ZNF862: variants seen among roughly 807,000 people sequenced by gnomAD.
ZNF862 encodes the protein zinc finger protein 862.
A neutral mutation model predicts 91.1 loss-of-function variants in ZNF862; 64 were observed. The ratio of observed to expected loss-of-function variants is 0.70; its 90% CI spans 0.57 to 0.87. ZNF862 has a LOEUF of 0.87. Ranked by LOEUF, ZNF862 falls within the 40% of genes least tolerant of loss-of-function variation. The pLI is 0.00. For missense variants in ZNF862, 1,459 were observed against 1,528.0 expected (o/e 0.95, Z 0.75); for synonymous variants, 631 against 618.1 (o/e 1.02, Z -0.31).
chr7:149,845,670 T>C (rs1377096952), intron 2 of ZNF862, among the ~76,000 whole-genome samples: 3 of 152,194 alleles, frequency 2.0e-5, no homozygotes, highest in Non-Finnish European at 4.4e-5. Context: ...AATATTTAGT[T>C]ATTAGGAGTT....
chr7:149,856,385 A>G (rs1802266867), intron 5 of ZNF862: 1 of 152,178 alleles, frequency 6.6e-6, no homozygotes. Flanking sequence ...TGTTGGTTAC[A>G]TTGGTATAAA....
chr7:149,841,599 T>C, intron 1 of ZNF862: 6 of 985,458 alleles, frequency 6.1e-6, no homozygotes, highest in Non-Finnish European at 7.2e-6. Flanking sequence ...GGAGCCCTTT[T>C]GCTGCAAGGT....
Position 149,843,977 on chromosome 7 carries a change from C to G in ZNF862, c.25-648C>G, listed in dbSNP as rs571326393. Among the ~76,000 whole-genome samples the G allele has an allele frequency of 2.0e-5, 3 of 152,252 alleles. No individual in the cohort carries two copies. The South Asian group carries it at 6.2e-4, about 32-fold the overall frequency. On this transcript the variant is annotated intron_variant, in intron 1 of 7. Transcript: ENST00000223210. ...GTTTTCAAGAGTGTATTGCTGTCATCTCCTTGTTGCGCCCCCTATTATAGT... is the reference window on the plus strand; with the variant it reads ...GTTTTCAAGAGTGTATTGCTGTCATGTCCTTGTTGCGCCCCCTATTATAGT...
intron 5 of ZNF862, chr7:149,852,206 T>A (rs1239186207): frequency 1.3e-5 from 2 of 151,738 alleles, no homozygotes; most frequent in African/African-American, 2.4e-5. Flanking sequence ...TTATTATTTT[T>A]ACTTTGGCTT....
chr7:149,853,947 A>AG (rs1320882200), intron 5 of ZNF862, among the ~76,000 whole-genome samples: 1 of 151,800 alleles, frequency 6.6e-6, no homozygotes, highest in Non-Finnish European at 1.5e-5. Flanking sequence ...CAAAAAAAAA[A>AG]AAAAAAGAAA....
chr7:149,860,741 C>CT lies in ZNF862; in HGVS notation c.1582dup (p.Cys528LeufsTer6). 6.2e-7 allele frequency: 1 copy of CT among 1,613,958 alleles called. No individual in the cohort carries two copies. Among genetic ancestry groups the CT allele is most frequent in the East Asian group, 2.2e-5 (1 of 44,872 alleles). On this transcript the variant is annotated frameshift_variant, in exon 7 of 8. Coordinates refer to ENST00000223210, the MANE Select transcript of ZNF862 (RefSeq NM_001099220.3). LOFTEE classifies it high-confidence loss of function. ...ATGAAGTCAGCAAAGCGCACAGGCT[C>CT]TGTGTCAACACGGTTGAAATCAAGG...
intron 1 of ZNF862, 54 bp downstream of exon 1, chr7:149,838,689 G>GGGCTCGGGCGAGGCGGGGC: frequency 8.7e-7 from 1 of 1,151,500 alleles, no homozygotes; most frequent in Non-Finnish European, 1.1e-6. Flanking sequence ...TCCCCGAGCC[G>GGGCTCGGGCGAGGCGGGGC]GGCTCGGGCG....
Position 149,838,556 on chromosome 7 carries a change from A to C in ZNF862, c.-56A>C. 8.5e-7 allele frequency: 1 copy of C among 1,169,714 alleles called. No individual in the cohort carries two copies. The highest frequency in any genetic ancestry group is 1.1e-6 in the Non-Finnish European group (1 of 930,956). The allele number at this position is 1,169,714 out of a possible 1,614,324, so 72.5% of individuals were successfully genotyped here. On this transcript the variant is annotated 5_prime_UTR_variant, in exon 1 of 8. Transcript: ENST00000223210. ...TCCCCGGGGCGGTCGCGGCGGCTGCATCCTCAGGCCAGGCCGCGGGGGGAG... is the reference window on the plus strand; with the variant it reads ...TCCCCGGGGCGGTCGCGGCGGCTGCCTCCTCAGGCCAGGCCGCGGGGGGAG...
At chr7:149,840,187 TAAAAAAAAAAAAAAAAA>T (rs60721842) in intron 1 of ZNF862, among the ~76,000 whole-genome samples, 1 of 41,246 alleles carries the variant, frequency 2.4e-5, no homozygotes, top group Non-Finnish European at 4.5e-5. Flanking sequence ...GCTTAAAAAG[TAAAAAAAAAAAAAAAAA>T]AAAAAAAAAA....
At position 149,864,444 on chromosome 7, in the gene ZNF862, G is replaced by A. The variant is rs986092797; in HGVS notation, c.*160G>A. On this transcript the variant is annotated 3_prime_UTR_variant, in exon 8 of 8. Transcript: ENST00000223210. Reference sequence around the variant, plus strand: ...CCCAGAGCAGCAGGGGTATCAGGAGGTGCATGACCTGTTTCCTGAGGCCCC... The same window carrying A: ...CCCAGAGCAGCAGGGGTATCAGGAGATGCATGACCTGTTTCCTGAGGCCCC... 9 of 692,738 alleles carry A rather than the reference G, an allele frequency of 1.3e-5. No homozygotes were observed. Among genetic ancestry groups the A allele is most frequent in the Non-Finnish European group, 1.9e-5 (8 of 424,348 alleles). The allele number at this position is 692,738 out of a possible 1,614,324, so 42.9% of individuals were successfully genotyped here.
At chr7:149,843,975 A>G (rs1244842752) in intron 1 of ZNF862, among the ~76,000 whole-genome samples, 3 of 152,234 alleles carry the variant, frequency 2.0e-5, no homozygotes, top group South Asian at 2.1e-4. Context: ...TATTGCTGTC[A>G]TCTCCTTGTT....
intron 3 of ZNF862, among the ~76,000 whole-genome samples, chr7:149,846,834 A>G (rs1460788979): frequency 6.6e-6 from 1 of 152,240 alleles, no homozygotes; most frequent in Non-Finnish European, 1.5e-5. Flanking sequence ...TTTCTCTCAG[A>G]CCACAAAGAG....
At chr7:149,863,911 GC>G (rs1802613211) in intron 7 of ZNF862, among the ~76,000 whole-genome samples, 197 bp from the exon 8 acceptor site, 1 of 152,166 alleles carries the variant, frequency 6.6e-6, no homozygotes, top group Non-Finnish European at 1.5e-5. Flanking sequence ...GGACAAAATC[GC>G]CCCCAGTTGA....
chr7:149,849,988 T>C (rs1374821810), intron 4 of ZNF862, among the ~76,000 whole-genome samples, 173 bp from the exon 5 acceptor site: 1 of 152,234 alleles, frequency 6.6e-6, no homozygotes, highest in Non-Finnish European at 1.5e-5. Context: ...CTACTAATTC[T>C]GGCCTCCTGA....
chr7:149,862,851 A>C (rs1802567231), intron 7 of ZNF862, among the ~76,000 whole-genome samples: 1 of 152,238 alleles, frequency 6.6e-6, no homozygotes, highest in African/African-American at 2.4e-5. Flanking sequence ...GAAAACACTC[A>C]GGACAATGCC....
In ZNF862 at chr7:149,867,388, C is replaced by T. The variant is rs886977357; in HGVS notation, c.*3104C>T. On this transcript the variant is annotated 3_prime_UTR_variant, in exon 8 of 8. Coordinates refer to ENST00000223210, the MANE Select transcript of ZNF862 (RefSeq NM_001099220.3). ...TGTGACTGGCCCAGGGATGTTCTCT[C>T]CTCTATTTTCAAAGATGAAAGGAGG... The T allele has an allele frequency of 2.0e-5, 3 of 152,182 alleles. No homozygotes were observed. The highest frequency in any genetic ancestry group is 4.4e-5 in the Non-Finnish European group (3 of 68,048). The allele number at this position is 152,182 out of a possible 1,614,324, so 9.4% of individuals were successfully genotyped here.
At chr7:149,859,558 A>G in intron 6 of ZNF862, 32 bp downstream of exon 6, 1 of 1,514,562 alleles carries the variant, frequency 6.6e-7, no homozygotes. Flanking sequence ...TCTGAAGGAC[A>G]TGTGCCAGGG....
At chr7:149,851,090 CA>C (rs1312867478) in intron 5 of ZNF862, among the ~76,000 whole-genome samples, 1 of 152,216 alleles carries the variant, frequency 6.6e-6, no homozygotes, top group East Asian at 1.9e-4. Flanking sequence ...TATGAAGCAT[CA>C]AGATGGAAAG....
At position 149,852,358 on chromosome 7, in the gene ZNF862, TGTGTGTGTGTGTGTGAGA is replaced by T. The variant is rs774607963; in HGVS notation, c.1117+2022_1117+2039del. 1.1e-3 allele frequency among the ~76,000 whole-genome samples: 148 copies of T among 137,168 alleles called. 1 individual carries two copies. In the South Asian group the frequency reaches 0.015, roughly 14 times the overall value. The allele number at this position is 137,168 out of a possible 152,430, so 90.0% of individuals were successfully genotyped here. A position where few individuals can be genotyped will look rare whatever the true frequency, so the allele number is the denominator to read the frequency against. On this transcript the variant is annotated intron_variant, in intron 5 of 7. Transcript: ENST00000223210. Reference sequence around the variant, plus strand: ...AGTTTTGTGTGTGTGTGTGTGTGTGTGTGTGTGTGTGTGTGAGAGAGAGAGAGAGAGACAGGCTGTCAC... The same window carrying T: ...AGTTTTGTGTGTGTGTGTGTGTGTGTGAGAGAGAGAGAGACAGGCTGTCAC...
Sources: gnomAD v4.1 joint callset for allele counts (sites outside exome capture counted in the v4.1 genomes callset) on GRCh38, gnomAD v4.1.1 for gene constraint, MANE v1.5 for transcripts, NCBI Gene and HGNC (gene_info 2026-07-23, HGNC 2026-07-21) for gene names.